KIRREL2: variants seen among roughly 807,000 people sequenced by gnomAD.
The protein encoded by KIRREL2 is kirre like nephrin family adhesion molecule 2.
KIRREL2 carries 56 observed loss-of-function variants against 73.4 expected under a neutral mutation model. That is an observed-to-expected ratio of 0.76 (90% confidence interval 0.62 to 0.95). KIRREL2 has a LOEUF of 0.95. Among genes scored for constraint, KIRREL2 ranks in the 40% least tolerant of loss-of-function variants. The probability of loss-of-function intolerance (pLI) is 0.00; values close to 1 mark genes in which losing one functional copy is unlikely to be tolerated. For synonymous variants in KIRREL2, 407 were observed against 404.0 expected (o/e 1.01, Z -0.09); for missense variants, 896 against 935.0 (o/e 0.96, Z 0.54).
intron 13 of KIRREL2, among the ~76,000 whole-genome samples, chr19:35,863,782 T>G (rs1973820963): frequency 6.8e-6 from 1 of 146,056 alleles, no homozygotes; most frequent in African/African-American, 2.5e-5. Context: ...TTTCTTTCTT[T>G]CTTTTTTTTG....
In KIRREL2 at chr19:35,862,596, G is replaced by A. The variant is rs181214443; in HGVS notation, c.1614G>A (p.Lys538=). 6.9e-6 allele frequency: 11 copies of A among 1,603,892 alleles called. No individual in the cohort carries two copies. The African/African-American group carries it at 1.3e-4, about 19-fold the overall frequency. ...GVALCCWRHS[K]ASASFSEQKN... is the part of the protein sequence containing the mutation. Reference sequence around the variant, plus strand: ...CCCTCTGCTGCTGGCGCCACAGCAAGGGTTAGTGCCTGAGCCCCGCCCCGG... The same window carrying A: ...CCCTCTGCTGCTGGCGCCACAGCAAAGGTTAGTGCCTGAGCCCCGCCCCGG... Residue 538 remains lysine (K), a splice_region_variant and synonymous_variant, in exon 12 of 15, where the codon AAG becomes AAA. Transcript: ENST00000360202.
rs1343830770 is a variant in KIRREL2, at chr19:35,857,352, GC to G, written c.73del (p.His25IlefsTer29). The G allele has an allele frequency of 6.2e-7, 1 of 1,612,376 alleles. No homozygotes were observed. The highest frequency in any genetic ancestry group is 1.3e-5 in the African/African-American group (1 of 74,874). ...FCFRGRAGPS[P>X]HFLQQPEDLV... Reference sequence around the variant, plus strand: ...TGCCCCGAACTCTCCTAGGCCCGTCGCCCCATTTCCTGCAACAGCCAGAGGA... The same window carrying G: ...TGCCCCGAACTCTCCTAGGCCCGTCGCCCATTTCCTGCAACAGCCAGAGGA... On this transcript the variant is annotated frameshift_variant, in exon 2 of 15. Transcript: ENST00000360202. LOFTEE classifies it high-confidence loss of function.
At chr19:35,862,245 G>A (rs1210509061) in intron 11 of KIRREL2, among the ~76,000 whole-genome samples, 6 of 151,976 alleles carry the variant, frequency 3.9e-5, no homozygotes, top group Non-Finnish European at 7.4e-5. Context: ...TCACACCTAG[G>A]GGCCCCAAAA....
At position 35,866,861 on chromosome 19, in the gene KIRREL2, G is replaced by T; in HGVS notation, c.*369G>T. ...TTCAAGATGACCATCTGCATTGAGA[G>T]GAAAGGTAGCATAGGATAGATGAAG... On this transcript the variant is annotated 3_prime_UTR_variant, in exon 15 of 15. Transcript: ENST00000360202. 1 of 361,878 alleles carries T rather than the reference G, an allele frequency of 2.8e-6. No individual in the cohort carries two copies. The highest frequency in any genetic ancestry group is 3.2e-5 in the South Asian group (1 of 31,448). 22.4% of individuals were successfully genotyped at this position (361,878 alleles called of 1,614,324 possible).
At chr19:35,864,568 C>A in intron 13 of KIRREL2, 80 bp from the exon 14 acceptor site, 2 of 1,174,890 alleles carry the variant, frequency 1.7e-6, no homozygotes, top group Non-Finnish European at 2.5e-6. Flanking sequence ...CCTCCACTGG[C>A]TGGCTGAAGG....
chr19:35,865,407 T>A (rs1404532651), intron 14 of KIRREL2, among the ~76,000 whole-genome samples: 1 of 152,078 alleles, frequency 6.6e-6, no homozygotes, highest in Non-Finnish European at 1.5e-5. Context: ...CGCCCCAGCC[T>A]CCCAAAGTGC....
rs1357396857 is a variant in KIRREL2 at position 35,864,638 on chromosome 19, C to T, written c.1726-10C>T. On this transcript the variant is annotated splice_polypyrimidine_tract_variant and intron_variant, in intron 13 of 14. Coordinates refer to ENST00000360202, the MANE Select transcript of KIRREL2 (RefSeq NM_199180.4). ...CTGACTATTCCCTCTCACTAAGTTC[C>T]CTACCCCAGGGCCCCATTGTGCACA... 7.4e-6 allele frequency: 12 copies of T among 1,611,158 alleles called. No individual in the cohort carries two copies. Among genetic ancestry groups the T allele is most frequent in the Non-Finnish European group, 1.0e-5 (12 of 1,177,538 alleles).
Position 35,864,997 on chromosome 19 carries a change from C to T in KIRREL2, c.1791+284C>T, listed in dbSNP as rs11879200. ...CACCCTGCCTGTGCTCTCCTCATCA[C>T]GGTCAAGCCCCCTTTCAGCCACCAG... is the stretch of plus-strand genomic sequence containing the variant. On this transcript the variant is annotated intron_variant, in intron 14 of 14. Transcript: ENST00000360202. 9.2e-3 allele frequency among the ~76,000 whole-genome samples: 1,393 copies of T among 152,040 alleles called. 18 individuals carry two copies. Among genetic ancestry groups the T allele is most frequent in the African/African-American group, 0.031 (1,302 of 41,456 alleles).
intron 11 of KIRREL2, 87 bp downstream of exon 11, chr19:35,862,111 A>G: frequency 8.7e-7 from 1 of 1,147,876 alleles, no homozygotes; most frequent in East Asian, 2.6e-5. Context: ...GCAAAACCTC[A>G]TACCCTCAAA....
At position 35,860,667 on chromosome 19, in the gene KIRREL2, T is replaced by C; in HGVS notation, c.928T>C (p.Phe310Leu). The change falls in exon 7 of 15, where the codon TTT (phenylalanine) becomes CTT (leucine). Residue 310 changes from phenylalanine to leucine, a missense_variant and splice_region_variant. Transcript: ENST00000360202. ...ANRSTALDVL[F>L]GPILQAKPEP... ...CCGCAGTACTGCGCTGGATGTGCTG[T>C]GTGAGCTGGGGCCGGCCTGTGGGTG... The C allele has an allele frequency of 6.2e-7, 1 of 1,602,376 alleles. No individual in the cohort carries two copies.
chr19:35,856,894 C>T, upstream of KIRREL2: 1 of 599,096 alleles, frequency 1.7e-6, no homozygotes, highest in Non-Finnish European at 3.0e-6. The surrounding 1 kb of genome is among the most constrained non-coding windows in gnomAD (Gnocchi z 5.9). Context: ...CGGGATCGGG[C>T]CCTCTTGGGG....
Position 35,857,046 on chromosome 19 carries a change from G to A in KIRREL2, c.-74G>A, listed in dbSNP as rs1178813024. On this transcript the variant is annotated 5_prime_UTR_variant, in exon 1 of 15. Transcript: ENST00000360202. ...AAGGGGGCTCCGGGCCAGGGTGACAGGAGGCGTGCTTGAGAGGAAGAAGTT... is the reference window on the plus strand; with the variant it reads ...AAGGGGGCTCCGGGCCAGGGTGACAAGAGGCGTGCTTGAGAGGAAGAAGTT... 13 of 1,490,536 alleles carry A rather than the reference G, an allele frequency of 8.7e-6. No individual in the cohort carries two copies. The highest frequency in any genetic ancestry group is 1.2e-5 in the Non-Finnish European group (13 of 1,068,108). 92.3% of individuals were successfully genotyped at this position (1,490,536 alleles called of 1,614,324 possible).
chr19:35,852,549 G>A (rs1973296744), upstream of KIRREL2, among the ~76,000 whole-genome samples: 1 of 151,730 alleles, frequency 6.6e-6, no homozygotes, highest in Non-Finnish European at 1.5e-5. Flanking sequence ...CCCAGCTCTG[G>A]CCTCTGCCCA....
intron 14 of KIRREL2, among the ~76,000 whole-genome samples, chr19:35,865,602 C>T (rs890699790): frequency 4.6e-5 from 7 of 152,190 alleles, no homozygotes; most frequent in Non-Finnish European, 8.8e-5. Flanking sequence ...GCCTGTGTTC[C>T]ACCCATCACA....
At chr19:35,866,021 G>A in intron 14 of KIRREL2, 136 bp from the exon 15 acceptor site, 1 of 775,202 alleles carries the variant, frequency 1.3e-6, no homozygotes, top group Non-Finnish European at 2.1e-6. Context: ...GTCCATGTGT[G>A]TCTCTGTGTC....
At chr19:35,863,093 G>A (rs933950376) in intron 13 of KIRREL2, 57 bp downstream of exon 13, 1 of 963,882 alleles carries the variant, frequency 1.0e-6, no homozygotes, top group South Asian at 1.4e-5. Context: ...TAATAGCCCA[G>A]TCCCAAGAGG....
intron 13 of KIRREL2, among the ~76,000 whole-genome samples, chr19:35,863,548 G>C (rs896903413): frequency 6.6e-6 from 1 of 151,184 alleles, no homozygotes; most frequent in Admixed American, 6.6e-5. Context: ...TGCCTCCCTG[G>C]TTCAAGTGAT....
In KIRREL2 at chr19:35,866,567, C is replaced by T; in HGVS notation, c.*75C>T. On this transcript the variant is annotated 3_prime_UTR_variant, in exon 15 of 15. Coordinates refer to ENST00000360202, the MANE Select transcript of KIRREL2 (RefSeq NM_199180.4). ...TGTTCTGATTTCTGAGGAGCCAGGA[C>T]AAGTTGGCGACCTTACTCCTCCAAA... 1.2e-6 allele frequency: 2 copies of T among 1,602,786 alleles called. No homozygotes were observed. The highest frequency in any genetic ancestry group is 2.7e-5 in the African/African-American group (2 of 74,266).
chr19:35,858,198 G>C (rs1317681788), intron 2 of KIRREL2, among the ~76,000 whole-genome samples: 1 of 151,362 alleles, frequency 6.6e-6, no homozygotes, highest in Non-Finnish European at 1.5e-5. Flanking sequence ...TCATTTTCTT[G>C]CTTTCCTTCC....
Sources: gnomAD v4.1 joint callset for allele counts (sites outside exome capture counted in the v4.1 genomes callset) on GRCh38, gnomAD v4.1.1 for gene constraint, Gnocchi (gnomAD v3.1) non-coding constraint, MANE v1.5 for transcripts, NCBI Gene and HGNC (gene_info 2026-07-23, HGNC 2026-07-21) for gene names.